The following UBASH3B variants were observed in gnomAD, a reference collection of about 807,000 sequenced individuals.
UBASH3B encodes ubiquitin associated and SH3 domain containing B, also known as ubiquitin-associated and SH3 domain-containing protein B.
Under a neutral mutation model 83.4 loss-of-function variants are expected in UBASH3B, and 37 were observed. The ratio of observed to expected loss-of-function variants is 0.44; its 90% CI spans 0.34 to 0.58. The LOEUF (loss-of-function observed/expected upper bound fraction) is 0.58. UBASH3B is among the 20% of genes least tolerant of loss of function. UBASH3B has a pLI of 0.01. For missense variants in UBASH3B, 657 were observed against 827.2 expected, an observed-to-expected ratio of 0.79 and a Z score of 2.52; for synonymous variants, 304 against 318.3, an observed-to-expected ratio of 0.96 and a Z score of 0.48.
At chr11:122,746,173 T>C (rs1861115316) in intron 1 of UBASH3B, among the ~76,000 whole-genome samples, 1 of 152,148 alleles carries the variant, frequency 6.6e-6, no homozygotes, top group Admixed American at 6.5e-5. Context: ...CCAGGGACCA[T>C]GCAAAGGATA....
intron 1 of UBASH3B, among the ~76,000 whole-genome samples, chr11:122,686,564 C>T (rs1863810906): frequency 6.6e-6 from 1 of 152,162 alleles, no homozygotes; most frequent in Admixed American, 6.5e-5. Flanking sequence ...TGGATCTGTG[C>T]AGGATGAGTA....
At chr11:122,707,932 C>T (rs1023115276) in intron 1 of UBASH3B, among the ~76,000 whole-genome samples, 5 of 152,080 alleles carry the variant, frequency 3.3e-5, no homozygotes, top group Non-Finnish European at 5.9e-5. Flanking sequence ...TGACCTCAGG[C>T]GATCCATCTG....
intron 5 of UBASH3B, among the ~76,000 whole-genome samples, chr11:122,786,079 T>G (rs1162942803): frequency 2.6e-5 from 4 of 152,096 alleles, no homozygotes; most frequent in Non-Finnish European, 5.9e-5. Flanking sequence ...AGACGGAGTC[T>G]TACTCTGTCG....
At chr11:122,773,756 G>C (rs373424617) in intron 1 of UBASH3B, among the ~76,000 whole-genome samples, 1 of 151,972 alleles carries the variant, frequency 6.6e-6, no homozygotes, top group African/African-American at 2.4e-5. Context: ...TCCAAAACTT[G>C]TCTTTTGAGT....
intron 5 of UBASH3B, 79 bp downstream of exon 5, chr11:122,783,301 T>C: frequency 3.3e-6 from 5 of 1,519,498 alleles, no homozygotes; most frequent in Non-Finnish European, 4.5e-6. Context: ...TGCAGGGAGA[T>C]GGGTACCTAC....
chr11:122,706,706 C>T (rs1350889935), intron 1 of UBASH3B, among the ~76,000 whole-genome samples: 2 of 152,150 alleles, frequency 1.3e-5, no homozygotes, highest in Non-Finnish European at 2.9e-5. Flanking sequence ...TATAGAAATC[C>T]TTGGCTAGGA....
At chr11:122,662,376 A>T (rs1272904248) in intron 1 of UBASH3B, among the ~76,000 whole-genome samples, 3 of 151,288 alleles carry the variant, frequency 2.0e-5, no homozygotes, top group Non-Finnish European at 4.4e-5. Context: ...CTTTGTGGTT[A>T]GTCCTCTCTC....
intron 10 of UBASH3B, among the ~76,000 whole-genome samples, chr11:122,800,831 T>C (rs1369830781): frequency 6.6e-6 from 1 of 152,026 alleles, no homozygotes; most frequent in Non-Finnish European, 1.5e-5. Flanking sequence ...TGTTCTCAAC[T>C]CTTGGACTCA....
intron 1 of UBASH3B, among the ~76,000 whole-genome samples, chr11:122,685,922 G>A (rs1291669407): frequency 6.6e-6 from 1 of 152,202 alleles, no homozygotes; most frequent in East Asian, 1.9e-4. Context: ...AGGCTGAACA[G>A]ATGATGTTAC....
chr11:122,750,271 C>A (rs1227809681), intron 1 of UBASH3B, among the ~76,000 whole-genome samples: 3 of 152,190 alleles, frequency 2.0e-5, no homozygotes, highest in Non-Finnish European at 4.4e-5. Context: ...AGGGCCCCCC[C>A]ACCTTTCTTC....
intron 1 of UBASH3B, among the ~76,000 whole-genome samples, chr11:122,679,083 A>G: frequency 6.6e-6 from 1 of 152,176 alleles, no homozygotes; most frequent in East Asian, 1.9e-4. Flanking sequence ...TAGCCCAGAA[A>G]GCACAAGACT....
At chr11:122,688,984 G>A (rs1056656215) in intron 1 of UBASH3B, among the ~76,000 whole-genome samples, 1 of 150,756 alleles carries the variant, frequency 6.6e-6, no homozygotes, top group African/African-American at 2.5e-5. Context: ...GAGGCGGGGG[G>A]GGGGGGGGTT....
At chr11:122,679,610 T>G (rs1863712945) in intron 1 of UBASH3B, among the ~76,000 whole-genome samples, 2 of 152,212 alleles carry the variant, frequency 1.3e-5, no homozygotes, top group Admixed American at 1.3e-4. Context: ...CAGCAAACTC[T>G]GTAGAGGGCC....
At chr11:122,740,432 T>C (rs548399556) in intron 1 of UBASH3B, among the ~76,000 whole-genome samples, 1 of 152,230 alleles carries the variant, frequency 6.6e-6, no homozygotes, top group Non-Finnish European at 1.5e-5. Flanking sequence ...AACCGTGTGT[T>C]GTCCCAGGAT....
At chr11:122,749,202 G>A (rs1163111039) in intron 1 of UBASH3B, among the ~76,000 whole-genome samples, 1 of 152,258 alleles carries the variant, frequency 6.6e-6, no homozygotes, top group East Asian at 1.9e-4. Context: ...GCTGAATCAT[G>A]TACTGCATGT....
chr11:122,736,114 G>C (rs2135956550), intron 1 of UBASH3B, among the ~76,000 whole-genome samples: 1 of 152,294 alleles, frequency 6.6e-6, no homozygotes, highest in Non-Finnish European at 1.5e-5. Flanking sequence ...GTGCAGTTCA[G>C]CCTCATTTAG....
chr11:122,787,154 G>A (rs1240603178), intron 5 of UBASH3B, among the ~76,000 whole-genome samples: 4 of 152,202 alleles, frequency 2.6e-5, no homozygotes, highest in South Asian at 4.1e-4. Context: ...CCTGTGACTC[G>A]GTGACTTTCT....
At chr11:122,763,416 G>A (rs1284090015) in intron 1 of UBASH3B, among the ~76,000 whole-genome samples, 1 of 152,192 alleles carries the variant, frequency 6.6e-6, no homozygotes, top group Non-Finnish European at 1.5e-5. Context: ...CCTAAGGAGG[G>A]CTGCCTAACA....
At chr11:122,659,918 C>G (rs1049403627) in intron 1 of UBASH3B, among the ~76,000 whole-genome samples, 1 of 152,110 alleles carries the variant, frequency 6.6e-6, no homozygotes, top group Admixed American at 6.5e-5. Context: ...TCTTGGTGGG[C>G]TGGCAGAGAG....
Sources: gnomAD v4.1 joint callset for allele counts (sites outside exome capture counted in the v4.1 genomes callset) on GRCh38, gnomAD v4.1.1 for gene constraint, MANE v1.5 for transcripts, NCBI Gene and HGNC (gene_info 2026-07-23, HGNC 2026-07-21) for gene names.